CASP10: variants seen among roughly 807,000 people sequenced by gnomAD.
CASP10 encodes the protein caspase-10.
In CASP10, 41 loss-of-function variants were observed where a neutral mutation model predicts 48.5. The observed-to-expected ratio is 0.85, with a 90% CI of 0.66 to 1.10. The LOEUF is 1.10. CASP10 is among the 50% of genes least tolerant of loss of function. The probability of loss-of-function intolerance (pLI) is 0.00; values close to 1 mark genes in which losing one functional copy is unlikely to be tolerated. For missense variants in CASP10, 614 were observed against 614.5 expected, an observed-to-expected ratio of 1.00 and a Z score of 0.01; for synonymous variants, 232 against 238.4, an observed-to-expected ratio of 0.97 and a Z score of 0.25.
chr2:201,195,951 A>G lies in CASP10; in HGVS notation c.684+3A>G. 6.3e-7 allele frequency: 1 copy of G among 1,598,722 alleles called. No individual in the cohort carries two copies. ...AGACATTCTTGGAAGCCTTACCGGT[A>G]GGTTCAGTGGTGTGCTGGTCAATGC... On this transcript the variant is annotated splice_donor_region_variant and intron_variant, in intron 5 of 9. Coordinates refer to ENST00000286186, the MANE Select transcript of CASP10 (RefSeq NM_032977.4).
intron 3 of CASP10, among the ~76,000 whole-genome samples, chr2:201,190,516 T>G (rs1038952648): frequency 6.6e-6 from 1 of 152,150 alleles, no homozygotes; most frequent in African/African-American, 2.4e-5. Context: ...TTTCTCAAAG[T>G]CAGAGGAGAT....
At chr2:201,222,775 G>C (rs1484361095), downstream of CASP10, among the ~76,000 whole-genome samples, 1 of 152,110 alleles carries the variant, frequency 6.6e-6, no homozygotes, top group East Asian at 1.9e-4. Context: ...CTGTGGTACC[G>C]ACCCAGTGAC....
At chr2:201,215,211 G>GTTTTTTTTTTTTTTT (rs10616229) in intron 9 of CASP10, among the ~76,000 whole-genome samples, 28 of 29,912 alleles carry the variant, frequency 9.4e-4, no homozygotes, top group Non-Finnish European at 8.9e-4. Flanking sequence ...TCTTCCCTCG[G>GTTTTTTTTTTTTTTT]TTTTTTTTTT....
At chr2:201,204,668 C>T (rs929343644) in intron 6 of CASP10, among the ~76,000 whole-genome samples, 1 of 152,168 alleles carries the variant, frequency 6.6e-6, no homozygotes, top group Admixed American at 6.5e-5. Context: ...GGGATTTGAA[C>T]CCAGCTGTCT....
chr2:201,183,556 T>A (rs893161956), intron 1 of CASP10, among the ~76,000 whole-genome samples: 12 of 152,090 alleles, frequency 7.9e-5, no homozygotes, highest in Non-Finnish European at 1.6e-4. Flanking sequence ...AAACTAGAGA[T>A]CAGAATTGTC....
chr2:201,193,499 T>C lies in CASP10; in HGVS notation c.577+380T>C, dbSNP rs1218124543. The C allele has an allele frequency of 1.1e-5, 3 of 274,792 alleles. No individual in the cohort carries two copies. In the East Asian group the frequency reaches 2.7e-4, roughly 25 times the overall value. The allele number at this position is 274,792 out of a possible 1,614,324, so 17.0% of individuals were successfully genotyped here. A position where few individuals can be genotyped will look rare whatever the true frequency, so the allele number is the denominator to read the frequency against. On this transcript the variant is annotated intron_variant, in intron 4 of 9. Coordinates refer to ENST00000286186, the MANE Select transcript of CASP10 (RefSeq NM_032977.4). The stretch of plus-strand genomic sequence containing the variant: ...CTGGGATTATAGGTGTAAGCCACCA[T>C]GCCTGGCCCGTGCATGATGTTTACT...
At chr2:201,229,399 T>A in exon 10 of CASP10, 1 of 434,298 alleles carries the variant, frequency 2.3e-6, no homozygotes, top group Non-Finnish European at 4.2e-6. Context: ...TCCCCCAAAC[T>A]TTCAGTGCCT....
downstream of CASP10, among the ~76,000 whole-genome samples, chr2:201,222,787 G>A (rs2126067197): frequency 6.6e-6 from 1 of 152,168 alleles, no homozygotes; most frequent in South Asian, 2.1e-4. Context: ...CCCAGTGACT[G>A]GTATAACACA....
intron 9 of CASP10, among the ~76,000 whole-genome samples, chr2:201,215,211 G>GTTTTTTTTTTTTTTTTTTTTTT (rs10616229): frequency 1.0e-4 from 3 of 29,884 alleles, no homozygotes; most frequent in East Asian, 1.1e-3. Context: ...TCTTCCCTCG[G>GTTTTTTTTTTTTTTTTTTTTTT]TTTTTTTTTT....
Position 201,221,441 on chromosome 2 carries a change from T to C in CASP10, c.*3700T>C. The C allele has an allele frequency of 7.4e-6, 2 of 268,730 alleles. No homozygotes were observed. Among genetic ancestry groups the C allele is most frequent in the Non-Finnish European group, 1.1e-5 (2 of 174,656 alleles). 16.6% of individuals were successfully genotyped at this position (268,730 alleles called of 1,614,324 possible). A position where few individuals can be genotyped will look rare whatever the true frequency, so the allele number is the denominator to read the frequency against. Reference sequence around the variant, plus strand: ...CCTGCCTTAACTGATGACATTACCTTGTGAAATTCCTTCTCCTGGCTCATC... The same window carrying C: ...CCTGCCTTAACTGATGACATTACCTCGTGAAATTCCTTCTCCTGGCTCATC... On this transcript the variant is annotated 3_prime_UTR_variant, in exon 10 of 10. Transcript: ENST00000286186.
intron 5 of CASP10, chr2:201,200,391 T>G (rs910309813): frequency 6.5e-7 from 1 of 1,531,262 alleles, no homozygotes; most frequent in African/African-American, 1.4e-5. Flanking sequence ...TCCACATTCG[T>G]AAGTTGGCTC....
chr2:201,212,390 G>A (rs1945427838), intron 9 of CASP10: 1 of 152,258 alleles, frequency 6.6e-6, no homozygotes. Flanking sequence ...CAAGGCGGAA[G>A]GAAGTCAGGG....
intron 9 of CASP10, among the ~76,000 whole-genome samples, chr2:201,217,059 T>A (rs957801614): frequency 2.6e-5 from 4 of 152,222 alleles, no homozygotes; most frequent in Non-Finnish European, 5.9e-5. Context: ...GTATATGCCA[T>A]CCTCGGTAAA....
exon 10 of CASP10, chr2:201,229,199 C>A (rs1191447284): frequency 1.6e-6 from 2 of 1,255,846 alleles, no homozygotes; most frequent in Admixed American, 1.7e-5. Context: ...TCTGCAGCCA[C>A]AAAGTTGAGA....
chr2:201,200,738 G>C (rs1172988931), intron 5 of CASP10: 7 of 1,227,658 alleles, frequency 5.7e-6, no homozygotes, highest in Non-Finnish European at 7.1e-6. Flanking sequence ...CCGCCTGCTT[G>C]CTGTGAGTTT....
At chr2:201,188,974 G>A (rs376908992) in intron 3 of CASP10, among the ~76,000 whole-genome samples, 4 of 151,602 alleles carry the variant, frequency 2.6e-5, no homozygotes, top group African/African-American at 4.9e-5. Flanking sequence ...GGGTTCAAGC[G>A]ATTCTCCTGC....
At chr2:201,213,110 A>G (rs1945452167) in intron 9 of CASP10, 1 of 152,204 alleles carries the variant, frequency 6.6e-6, no homozygotes, top group Non-Finnish European at 1.5e-5. Flanking sequence ...GAGTTGCACC[A>G]ATATTTTTGG....
In CASP10 at chr2:201,217,711, C is replaced by T. The variant is rs774351693; in HGVS notation, c.1539C>T (p.Phe513=). 6.2e-7 allele frequency: 1 copy of T among 1,613,860 alleles called. No homozygotes were observed. The highest frequency in any genetic ancestry group is 8.5e-7 in the Non-Finnish European group (1 of 1,179,890). ...PAFTLRKKLV[F]PVPLDALSL is the part of the protein sequence containing the mutation. ...TCACACTAAGGAAAAAACTAGTATT[C>T]CCTGTGCCCCTGGATGCACTTTCAT... The change falls in exon 10 of 10, where the codon TTC becomes TTT. Residue 513 remains phenylalanine, a synonymous_variant. Transcript: ENST00000286186.
chr2:201,220,743 T>G lies in CASP10; in HGVS notation c.*3002T>G, dbSNP rs941074027. On this transcript the variant is annotated 3_prime_UTR_variant, in exon 10 of 10. Coordinates refer to ENST00000286186, the MANE Select transcript of CASP10 (RefSeq NM_032977.4). Reference sequence around the variant, plus strand: ...TTCCTCTTTCTTTAATTCTTACACATGTGTCAGGATGATCTCCCAAAACCG... The same window carrying G: ...TTCCTCTTTCTTTAATTCTTACACAGGTGTCAGGATGATCTCCCAAAACCG... The G allele has an allele frequency of 1.0e-6, 1 of 985,062 alleles. No individual in the cohort carries two copies. Among genetic ancestry groups the G allele is most frequent in the African/African-American group, 1.8e-5 (1 of 57,120 alleles). The allele number at this position is 985,062 out of a possible 1,614,324, so 61.0% of individuals were successfully genotyped here.
Sources: gnomAD v4.1 joint callset for allele counts (sites outside exome capture counted in the v4.1 genomes callset) on GRCh38, gnomAD v4.1.1 for gene constraint, MANE v1.5 for transcripts, NCBI Gene and HGNC (gene_info 2026-07-23, HGNC 2026-07-21) for gene names.